Variants in CNBD1 observed in about 807,000 individuals in gnomAD.
The protein encoded by CNBD1 is cyclic nucleotide binding domain containing 1.
Under a neutral mutation model 54.4 loss-of-function variants are expected in CNBD1, and 71 were observed. That is an observed-to-expected ratio of 1.30 (90% confidence interval 1.08 to 1.59). CNBD1 has a LOEUF of 1.59. CNBD1 is among the 40% of genes most tolerant of loss of function. The pLI, the probability that CNBD1 is intolerant of heterozygous loss-of-function variation, is 0.00. For missense variants in CNBD1, 659 were observed against 518.0 expected (o/e 1.27, Z -2.64); for synonymous variants, 182 against 170.7 (o/e 1.07, Z -0.51).
intron 4 of CNBD1, among the ~76,000 whole-genome samples, chr8:87,199,789 A>G (rs528735674): frequency 1.3e-5 from 2 of 152,312 alleles, no homozygotes; most frequent in South Asian, 4.1e-4. Flanking sequence ...GTGGGTGTTC[A>G]GTCAGTAGGT....
chr8:87,378,062 C>T (rs1810988987), intron 10 of CNBD1, among the ~76,000 whole-genome samples: 1 of 142,208 alleles, frequency 7.0e-6, no homozygotes, highest in Non-Finnish European at 1.5e-5. Flanking sequence ...AGCCCTTTGT[C>T]AGATGAGTAG....
chr8:87,163,936 A>T lies in CNBD1; in HGVS notation c.432-42057A>T, dbSNP rs1168816379. Among the ~76,000 whole-genome samples the T allele has an allele frequency of 6.6e-6, 1 of 152,020 alleles. No individual in the cohort carries two copies. Among genetic ancestry groups the T allele is most frequent in the East Asian group, 1.9e-4 (1 of 5,182 alleles). ...GTCTAAAGTTAGAGGTGGTCCTGTG[A>T]TATATGGTCTTTATTGTATTGAGAT... On this transcript the variant is annotated intron_variant, in intron 4 of 10. Transcript: ENST00000518476. The surrounding 1 kb of genome is among the most constrained non-coding windows in gnomAD (Gnocchi z 4.5).
intron 6 of CNBD1, among the ~76,000 whole-genome samples, chr8:87,262,859 T>A (rs771810621): frequency 2.0e-5 from 3 of 152,188 alleles, no homozygotes; most frequent in Non-Finnish European, 4.4e-5. Context: ...ACATCTACTA[T>A]GTGTTCATTT....
intron 8 of CNBD1, among the ~76,000 whole-genome samples, chr8:87,303,546 CT>C (rs1466301050): frequency 6.6e-6 from 1 of 152,050 alleles, no homozygotes; most frequent in Non-Finnish European, 1.5e-5. Context: ...GGAAGAAAAC[CT>C]AGGCAATACC....
At chr8:87,293,387 A>G (rs1169761243) in intron 8 of CNBD1, among the ~76,000 whole-genome samples, 4 of 151,910 alleles carry the variant, frequency 2.6e-5, no homozygotes, top group Non-Finnish European at 5.9e-5. Flanking sequence ...CTGCTAAAAG[A>G]ACAAAAATTA....
At chr8:87,341,815 T>C (rs1422162040) in intron 8 of CNBD1, among the ~76,000 whole-genome samples, 1 of 152,230 alleles carries the variant, frequency 6.6e-6, no homozygotes, top group Non-Finnish European at 1.5e-5. Context: ...ATATTGGTCT[T>C]ATCAGCTTCC....
chr8:87,004,781 G>T (rs1047855224), intron 4 of CNBD1, among the ~76,000 whole-genome samples: 1 of 152,036 alleles, frequency 6.6e-6, no homozygotes, highest in Admixed American at 6.5e-5. Flanking sequence ...ACAATATAAT[G>T]AATTGTCTTA....
chr8:86,952,190 C>G (rs1807643574), intron 4 of CNBD1, among the ~76,000 whole-genome samples: 1 of 152,150 alleles, frequency 6.6e-6, no homozygotes, highest in Non-Finnish European at 1.5e-5. Flanking sequence ...TCATATCTCC[C>G]TATAACATAC....
chr8:86,960,359 C>T (rs1807896574), intron 4 of CNBD1, among the ~76,000 whole-genome samples: 2 of 152,144 alleles, frequency 1.3e-5, no homozygotes. Flanking sequence ...CTCAGAGGGT[C>T]CCACACCCAC....
At chr8:87,311,116 T>G (rs13281574) in intron 8 of CNBD1, among the ~76,000 whole-genome samples, 57,916 of 151,824 alleles carry the variant, frequency 0.38, 11,304 homozygotes, top group Middle Eastern at 0.45. Context: ...TAAATTAAAC[T>G]AAAAAGCTTC....
At chr8:87,062,455 C>T (rs549808697) in intron 4 of CNBD1, among the ~76,000 whole-genome samples, 1 of 152,238 alleles carries the variant, frequency 6.6e-6, no homozygotes, top group African/African-American at 2.4e-5. Context: ...ATGCTTTGTA[C>T]AGCCAGATGC....
At chr8:87,426,017 G>A (rs577575869) in intron 2 of CNBD1, among the ~76,000 whole-genome samples, 5 of 152,298 alleles carry the variant, frequency 3.3e-5, no homozygotes, top group African/African-American at 7.2e-5. Flanking sequence ...ATATAATCTC[G>A]TGGTGCACCG....
intron 6 of CNBD1, among the ~76,000 whole-genome samples, chr8:87,263,663 G>A (rs1007389755): frequency 9.2e-5 from 14 of 152,032 alleles, no homozygotes; most frequent in African/African-American, 3.1e-4. Flanking sequence ...TTTAGAGCAG[G>A]ACCATGAAAT....
At chr8:87,169,468 A>G (rs1238531858) in intron 4 of CNBD1, among the ~76,000 whole-genome samples, 1 of 152,062 alleles carries the variant, frequency 6.6e-6, no homozygotes, top group African/African-American at 2.4e-5. Flanking sequence ...GGTATTACTC[A>G]AGAAATCTTC....
downstream of CNBD1, chr8:87,383,005 A>C (rs1811113165): frequency 6.1e-6 from 1 of 164,980 alleles, no homozygotes; most frequent in African/African-American, 2.4e-5. Context: ...TTTGACTGTC[A>C]GGGTTTGGAT....
At chr8:87,164,596 GT>G (rs1256364243) in intron 4 of CNBD1, among the ~76,000 whole-genome samples, 1 of 151,462 alleles carries the variant, frequency 6.6e-6, no homozygotes, top group Non-Finnish European at 1.5e-5. Context: ...GTTTACAGTA[GT>G]TTTTTTATGA....
At chr8:87,261,583 G>A (rs1459911787) in intron 6 of CNBD1, among the ~76,000 whole-genome samples, 1 of 149,644 alleles carries the variant, frequency 6.7e-6, no homozygotes, top group African/African-American at 2.5e-5. Flanking sequence ...GTGAGGTACA[G>A]AAACAACTGG....
At chr8:87,355,136 G>T (rs1042618520) in intron 10 of CNBD1, among the ~76,000 whole-genome samples, 1 of 152,198 alleles carries the variant, frequency 6.6e-6, no homozygotes, top group Non-Finnish European at 1.5e-5. Flanking sequence ...GTGAGTGTTT[G>T]TATGTATATT....
At chr8:87,176,462 A>C (rs567603602) in intron 4 of CNBD1, among the ~76,000 whole-genome samples, 2 of 150,376 alleles carry the variant, frequency 1.3e-5, no homozygotes, top group South Asian at 4.2e-4. Context: ...ATATTTCCTC[A>C]CTTTTCAGTT....
Sources: allele counts gnomAD v4.1 joint callset (sites outside exome capture counted in the v4.1 genomes callset), GRCh38; gene constraint gnomAD v4.1.1; non-coding constraint Gnocchi (gnomAD v3.1); transcripts MANE v1.5; gene names NCBI Gene and HGNC (gene_info 2026-07-23, HGNC 2026-07-21).